Variants in TBX22 observed in about 807,000 individuals in gnomAD.
The protein encoded by TBX22 is T-box transcription factor TBX22.
TBX22 carries 8 observed loss-of-function variants against 30.1 expected under a neutral mutation model. The ratio of observed to expected loss-of-function variants is 0.27; its 90% CI spans 0.16 to 0.48. The LOEUF (loss-of-function observed/expected upper bound fraction) is 0.48, where lower values mean the gene tolerates loss of function less well. Among genes scored for constraint, TBX22 ranks in the 20% least tolerant of loss-of-function variants. The pLI is 0.99. For missense variants in TBX22, 463 were observed against 400.5 expected (o/e 1.16, Z -1.33); for synonymous variants, 173 against 149.1 (o/e 1.16, Z -1.17).
chrX:80,030,898 T>C lies in TBX22; in HGVS notation c.1350T>C (p.Pro450=). 8.3e-7 allele frequency: 1 copy of C among 1,211,928 alleles called. No individual in the cohort carries two copies. Among genetic ancestry groups the C allele is most frequent in the Non-Finnish European group, 1.1e-6 (1 of 895,303 alleles). Residue 450 remains proline (P), a synonymous_variant, in exon 9 of 9, where the codon CCT becomes CCC. Coordinates refer to ENST00000373296, the MANE Select transcript of TBX22 (RefSeq NM_001109878.2). ...TNQMLYGLQS[P]GNIFLPNSIT... is the part of the protein sequence containing the mutation. ...AAATGTTATATGGATTACAGTCACC[T>C]GGAAATATTTTTCTGCCAAACTCCA...
chrX:80,023,494 G>C (rs907027990), intron 3 of TBX22, among the ~76,000 whole-genome samples: 2 of 111,229 alleles, frequency 1.8e-5, no homozygotes. Context: ...TCTCCTGCCT[G>C]TGTAGTATAA....
rs759649828 is a variant in TBX22, at chrX:80,022,393, G to A, written c.124G>A (p.Glu42Lys). 16 of 1,204,208 alleles carry A rather than the reference G, an allele frequency of 1.3e-5. No individual in the cohort carries two copies. The highest frequency in any genetic ancestry group is 1.8e-5 in the South Asian group (1 of 55,765). ...QPELREKKGG[E>K]EEEERRSSAA... ...TGAGCTGCGGGAGAAAAAGGGCGGA[G>A]AGGAAGAGGAGGAGAGAAGGAGCAG... The change falls in exon 2 of 9, where the codon GAG becomes AAG. Residue 42 changes from glutamate to lysine, a missense_variant. By Grantham distance (56) the Glu-to-Lys change is moderately conservative (BLOSUM62 1). Transcript: ENST00000373296.
chrX:80,030,799 G>C lies in TBX22; in HGVS notation c.1251G>C (p.Gly417=). Residue 417 remains glycine (G), a synonymous_variant, in exon 9 of 9, where the codon GGG becomes GGC. Coordinates refer to ENST00000373296, the MANE Select transcript of TBX22 (RefSeq NM_001109878.2). ...MMEVPMLSSL[G]VTNSKSGSSE... is the part of the protein sequence containing the mutation. ...AAGTGCCTATGTTATCTTCCCTGGG[G>C]GTCACCAATTCAAAAAGCGGTTCAT... 1 of 1,211,049 alleles carries C rather than the reference G, an allele frequency of 8.3e-7. No homozygotes were observed. The highest frequency in any genetic ancestry group is 1.8e-5 in the South Asian group (1 of 56,981).
intron 8 of TBX22, among the ~76,000 whole-genome samples, chrX:80,028,372 T>A: frequency 8.9e-6 from 1 of 112,603 alleles, no homozygotes; most frequent in Non-Finnish European, 1.9e-5. Flanking sequence ...TCTCACTGTT[T>A]CACATTCTTT....
chrX:80,023,008 A>G (rs1194982012), intron 2 of TBX22, 52 bp from the exon 3 acceptor site: 1 of 1,146,641 alleles, frequency 8.7e-7, no homozygotes, highest in East Asian at 3.0e-5. Flanking sequence ...AGAAGTGGGC[A>G]TGTGAACTGT....
chrX:80,025,601 A>T lies in TBX22; in HGVS notation c.459-2A>T, dbSNP rs1232023869. On this transcript the variant is annotated splice_acceptor_variant, in intron 4 of 8. Coordinates refer to ENST00000373296, the MANE Select transcript of TBX22 (RefSeq NM_001109878.2). LOFTEE classifies it high-confidence loss of function. ...CTAATGCCACAGCATGTGTTTTTTC[A>T]GGTACGTCTATCACAGCTCACAGTG... 8.3e-7 allele frequency: 1 copy of T among 1,206,533 alleles called. No individual in the cohort carries two copies. The highest frequency in any genetic ancestry group is 2.2e-5 in the Admixed American group (1 of 46,031).
intron 6 of TBX22, 29 bp from the exon 7 acceptor site, chrX:80,027,227 T>C (rs1454494848): frequency 5.9e-6 from 5 of 846,770 alleles, no homozygotes; most frequent in Non-Finnish European, 8.8e-6. Context: ...AGCAATGACT[T>C]TATCTTTCTC....
intron 4 of TBX22, among the ~76,000 whole-genome samples, 173 bp from the exon 5 acceptor site, chrX:80,025,430 C>T (rs193027778): frequency 8.9e-6 from 1 of 112,222 alleles, no homozygotes; most frequent in African/African-American, 3.2e-5. Flanking sequence ...ATGACATATG[C>T]TTATTTACAG....
At position 80,019,646 on chromosome X, in the gene TBX22, A is replaced by G. The variant is rs147397891; in HGVS notation, c.-2-2622A>G. ...TTAGTACATGCGCCTCAGGCCCCCA[A>G]TACCTGACAGCCCAGTGCTTCAGCA... is the stretch of plus-strand genomic sequence containing the variant. On this transcript the variant is annotated intron_variant, in intron 1 of 8. Coordinates refer to ENST00000373296, the MANE Select transcript of TBX22 (RefSeq NM_001109878.2). 3.3e-3 allele frequency among the ~76,000 whole-genome samples: 370 copies of G among 111,282 alleles called. 2 individuals carry two copies. The highest frequency in any genetic ancestry group is 0.031 in the South Asian group (81 of 2,639).
chrX:80,019,033 GAAGA>G (rs1164584075), intron 1 of TBX22, among the ~76,000 whole-genome samples: 1 of 111,758 alleles, frequency 8.9e-6, no homozygotes, highest in Non-Finnish European at 1.9e-5. Flanking sequence ...GAAGAGGTAG[GAAGA>G]AAGAAAACTA....
intron 4 of TBX22, 135 bp from the exon 5 acceptor site, chrX:80,025,468 G>A (rs1198773358): frequency 1.8e-6 from 1 of 547,416 alleles, no homozygotes; most frequent in Non-Finnish European, 3.2e-6. Context: ...ATGCTTGTTA[G>A]AAATTAAGTT....
At chrX:80,028,627 T>C (rs979690711) in intron 8 of TBX22, among the ~76,000 whole-genome samples, 2 of 112,386 alleles carry the variant, frequency 1.8e-5, no homozygotes, top group Non-Finnish European at 3.8e-5. Flanking sequence ...CCTCAGATGG[T>C]ACATTACATG....
Position 80,021,668 on chromosome X carries a change from C to G in TBX22, c.-2-600C>G, listed in dbSNP as rs994317404. ...ATCTATAGCTTTTTTTCAACAAGCT[C>G]CAAAACCCCCCTCCCTGTTAGACTC... On this transcript the variant is annotated intron_variant, in intron 1 of 8. Coordinates refer to ENST00000373296, the MANE Select transcript of TBX22 (RefSeq NM_001109878.2). Among the ~76,000 whole-genome samples, 10 of 112,107 alleles carry G rather than the reference C, an allele frequency of 8.9e-5. 1 individual carries two copies. The East Asian group carries it at 2.5e-3, about 28-fold the overall frequency.
intron 5 of TBX22, among the ~76,000 whole-genome samples, 158 bp from the exon 6 acceptor site, chrX:80,026,546 C>T (rs939407071): frequency 1.8e-5 from 2 of 112,087 alleles, no homozygotes; most frequent in African/African-American, 6.5e-5. Context: ...GTTTTTAGCT[C>T]GGAGCGCCTC....
At chrX:80,021,029 G>A (rs1414420868) in intron 1 of TBX22, among the ~76,000 whole-genome samples, 1 of 110,967 alleles carries the variant, frequency 9.0e-6, no homozygotes, top group Non-Finnish European at 1.9e-5. Context: ...ATCTGCATAC[G>A]TAAACATGCT....
intron 8 of TBX22, among the ~76,000 whole-genome samples, chrX:80,028,958 G>GAA (rs11413078): frequency 0.09 from 9,260 of 103,102 alleles, 350 homozygotes; most frequent in East Asian, 0.26. Context: ...GGAATTGCAT[G>GAA]AAAAAAAAAA....
chrX:80,022,067 C>A (rs765487897), intron 1 of TBX22, among the ~76,000 whole-genome samples: 1 of 104,364 alleles, frequency 9.6e-6, no homozygotes, highest in African/African-American at 3.6e-5. Flanking sequence ...CACACACACA[C>A]AATTATTTTC....
chrX:80,030,976 A>G lies in TBX22; in HGVS notation c.1428A>G (p.Arg476=). 8.3e-7 allele frequency: 1 copy of G among 1,212,072 alleles called. No individual in the cohort carries two copies. Among genetic ancestry groups the G allele is most frequent in the Non-Finnish European group, 1.1e-6 (1 of 895,488 alleles). Residue 476 remains arginine (R), a synonymous_variant, in exon 9 of 9, where the codon AGA becomes AGG. Transcript: ENST00000373296. ...CSFHPSYDFY[R]YNFSMPSRLI... ...TTCATCCTTCCTATGACTTTTATAG[A>G]TACAATTTCTCTATGCCATCTAGAC...
intron 7 of TBX22, 114 bp from the exon 8 acceptor site, chrX:80,027,877 A>G (rs1924055689): frequency 1.7e-6 from 1 of 592,245 alleles, no homozygotes. Flanking sequence ...GTCTAGCTAT[A>G]TAAAAGAGAA....
Sources: gnomAD v4.1 joint callset for allele counts (sites outside exome capture counted in the v4.1 genomes callset) on GRCh38, gnomAD v4.1.1 for gene constraint, MANE v1.5 for transcripts, NCBI Gene and HGNC (gene_info 2026-07-23, HGNC 2026-07-21) for gene names.